The following KRTAP6-1 variants were observed in gnomAD, a reference collection of about 807,000 sequenced individuals.
KRTAP6-1 encodes the protein keratin-associated protein 6-1.
In KRTAP6-1, 2 loss-of-function variants were observed where a neutral mutation model predicts 1.6. The observed-to-expected ratio is 1.22, with a 90% confidence interval of 0.50 to 3.85. The LOEUF (loss-of-function observed/expected upper bound fraction) is 3.85, where lower values mean the gene tolerates loss of function less well. KRTAP6-1 is among the 30% of genes most tolerant of loss of function. The pLI, the probability that KRTAP6-1 is intolerant of heterozygous loss-of-function variation, is 0.07. For synonymous variants in KRTAP6-1, 38 were observed against 38.5 expected, an observed-to-expected ratio of 0.99 and a Z score of 0.05; for missense variants, 78 against 87.7, an observed-to-expected ratio of 0.89 and a Z score of 0.44.
Position 30,613,924 on chromosome 21 carries a change from G to C in KRTAP6-1, c.-20C>G. 4 of 1,613,394 alleles carry C rather than the reference G, an allele frequency of 2.5e-6. No individual in the cohort carries two copies. In the South Asian group the frequency reaches 4.4e-5, roughly 18 times the overall value. On this transcript the variant is annotated 5_prime_UTR_variant, in exon 1 of 1. Transcript: ENST00000329122. ...ACACATGGTGTTGGTTGTGGAGGTT[G>C]TCCTTGGGTAGGAGGAAGTGTAGGT... is the stretch of plus-strand genomic sequence containing the variant.
exon 1 of KRTAP6-1, chr21:30,613,451 C>T (rs1203297345): frequency 5.4e-6 from 4 of 734,466 alleles, no homozygotes; most frequent in Non-Finnish European, 8.3e-6. Context: ...GTCATCAAGG[C>T]AGATGATGTG....
At position 30,613,696 on chromosome 21, in the gene KRTAP6-1, T is replaced by C. The variant is rs1327113484; in HGVS notation, c.209A>G (p.Tyr70Cys). Residue 70 changes from tyrosine to cysteine, a missense_variant, in exon 1 of 1, where the codon TAT becomes TGT. Transcript: ENST00000329122. Reference sequence around the variant, plus strand: ...GAGTCTCCCATGGCATCCTCAATAATAGTAGCCAGAGCCAGAGCCGCATCC... The same window carrying C: ...GAGTCTCCCATGGCATCCTCAATAACAGTAGCCAGAGCCAGAGCCGCATCC... The C allele has an allele frequency of 4.3e-6, 7 of 1,613,780 alleles. No homozygotes were observed. In the Admixed American group the frequency reaches 5.0e-5, roughly 12 times the overall value.
exon 1 of KRTAP6-1, chr21:30,613,546 T>C: frequency 1.4e-6 from 2 of 1,454,090 alleles, no homozygotes; most frequent in Non-Finnish European, 9.2e-7. Flanking sequence ...TATTTGTAGG[T>C]TAGATGGTAG....
chr21:30,613,648 C>G, exon 1 of KRTAP6-1: 1 of 1,611,434 alleles, frequency 6.2e-7, no homozygotes, highest in Non-Finnish European at 8.5e-7. Context: ...TAGTGAATCT[C>G]AGTATCACAG....
At chr21:30,613,755 G>A (rs200283642) in exon 1 of KRTAP6-1, 1 of 1,613,636 alleles carries the variant, frequency 6.2e-7, no homozygotes, top group Non-Finnish European at 8.5e-7. Flanking sequence ...GGGAGCCATA[G>A]CCATAGCCAC....
exon 1 of KRTAP6-1, chr21:30,613,601 C>T: frequency 6.3e-7 from 1 of 1,589,908 alleles, no homozygotes. Flanking sequence ...GATATCATCA[C>T]TCAAGGGAAA....
At chr21:30,613,653 T>C in exon 1 of KRTAP6-1, 1 of 1,613,024 alleles carries the variant, frequency 6.2e-7, no homozygotes, top group Admixed American at 1.7e-5. Context: ...AATCTCAGTA[T>C]CACAGGATAG....
At chr21:30,613,779 G>GAAGCCA (rs1291733344) in exon 1 of KRTAP6-1, 2 of 1,613,482 alleles carry the variant, frequency 1.2e-6, no homozygotes, top group Middle Eastern at 3.3e-4. Context: ...CCAGTCTGCG[G>GAAGCCA]AAGCCACAGC....
chr21:30,613,731 G>A (rs1980622095), exon 1 of KRTAP6-1: 1 of 1,614,080 alleles, frequency 6.2e-7, no homozygotes, highest in Non-Finnish European at 8.5e-7. Flanking sequence ...CATAGCCATA[G>A]CCACAGAGGG....
chr21:30,613,556 G>A, exon 1 of KRTAP6-1: 1 of 1,487,674 alleles, frequency 6.7e-7, no homozygotes, highest in Non-Finnish European at 9.0e-7. Context: ...TTAGATGGTA[G>A]CTCAACAACA....
exon 1 of KRTAP6-1, chr21:30,613,691 A>C: frequency 6.2e-7 from 1 of 1,614,104 alleles, no homozygotes; most frequent in Non-Finnish European, 8.5e-7. Flanking sequence ...TGGCATCCTC[A>C]ATAATAGTAG....
At chr21:30,613,699 T>C (rs752542560) in exon 1 of KRTAP6-1, 2 of 1,613,836 alleles carry the variant, frequency 1.2e-6, no homozygotes, top group Admixed American at 3.3e-5. Flanking sequence ...TCAATAATAG[T>C]AGCCAGAGCC....
At chr21:30,613,717 C>T in exon 1 of KRTAP6-1, 1 of 1,614,154 alleles carries the variant, frequency 6.2e-7, no homozygotes, top group Non-Finnish European at 8.5e-7. Context: ...GCCAGAGCCG[C>T]ATCCATAGCC....
At chr21:30,613,891 T>C in exon 1 of KRTAP6-1, 1 of 1,614,188 alleles carries the variant, frequency 6.2e-7, no homozygotes, top group Non-Finnish European at 8.5e-7. Context: ...GTTTCCGTAG[T>C]AGCTGCCACA....
exon 1 of KRTAP6-1, chr21:30,613,622 A>G (rs1980617644): frequency 1.2e-6 from 2 of 1,604,732 alleles, no homozygotes; most frequent in East Asian, 4.5e-5. Context: ...ATCTCAGAAC[A>G]TGTGGGCTTC....
chr21:30,613,845 A>G lies in KRTAP6-1; in HGVS notation c.60T>C (p.Tyr20=), dbSNP rs778326655. Residue 20 remains tyrosine, a synonymous_variant, in exon 1 of 1, where the codon TAT becomes TAC. Coordinates refer to ENST00000329122, the Ensembl canonical transcript of KRTAP6-1. ...CTCCATAGCCATAGCCCAGGCCTCC[A>G]TAGCCACAGAACCCATAGCCAGGGG... is the stretch of plus-strand genomic sequence containing the variant. 7 of 1,614,158 alleles carry G rather than the reference A, an allele frequency of 4.3e-6. No homozygotes were observed. In the South Asian group the frequency reaches 6.6e-5, roughly 15 times the overall value.
At chr21:30,613,590 G>A in exon 1 of KRTAP6-1, 2 of 1,577,566 alleles carry the variant, frequency 1.3e-6, no homozygotes, top group Non-Finnish European at 1.7e-6. Flanking sequence ...TTCCATTGCA[G>A]GATATCATCA....
chr21:30,613,910 T>G (rs1378205342), exon 1 of KRTAP6-1: 1 of 1,613,910 alleles, frequency 6.2e-7, no homozygotes, highest in Non-Finnish European at 8.5e-7. Context: ...CACATGGTGT[T>G]GGTTGTGGAG....
At chr21:30,613,846 T>C (rs990663461) in exon 1 of KRTAP6-1, 28 of 1,614,110 alleles carry the variant, frequency 1.7e-5, no homozygotes, top group Non-Finnish European at 2.4e-5. Context: ...CAGGCCTCCA[T>C]AGCCACAGAA....
Sources: gnomAD v4.1 joint callset for allele counts on GRCh38, gnomAD v4.1.1 for gene constraint, MANE v1.5 for transcripts, NCBI Gene and HGNC (gene_info 2026-07-23, HGNC 2026-07-21) for gene names.